Variants in GCC2 observed in about 807,000 individuals in gnomAD.
The protein encoded by GCC2 is GRIP and coiled-coil domain containing 2, also known as GRIP and coiled-coil domain-containing protein 2.
A neutral mutation model predicts 210.6 loss-of-function variants in GCC2; 120 were observed. That is an observed-to-expected ratio of 0.57 (90% CI 0.49 to 0.66). GCC2 has a LOEUF of 0.66. GCC2 is among the 30% of genes least tolerant of loss of function. The probability of loss-of-function intolerance (pLI) is 0.00; values close to 1 mark genes in which losing one functional copy is unlikely to be tolerated. For missense variants in GCC2, 1,868 were observed against 1,871.9 expected, an observed-to-expected ratio of 1.00 and a Z score of 0.04; for synonymous variants, 703 against 652.7, an observed-to-expected ratio of 1.08 and a Z score of -1.17.
In GCC2 at chr2:108,471,545, ATAAT is replaced by A. The variant is rs746975961; in HGVS notation, c.2218_2221del (p.Asn740Ter). On this transcript the variant is annotated frameshift_variant, in exon 6 of 23. Transcript: ENST00000309863. LOFTEE classifies it high-confidence loss of function. ...CTTCAGTTAATGGTTGAAGAGCAAG[ATAAT>A]TTAAATAAACTGCTTGAAAATGAGC... The A allele has an allele frequency of 1.2e-4, 185 of 1,606,876 alleles. No individual in the cohort carries two copies. Among genetic ancestry groups the A allele is most frequent in the Non-Finnish European group, 2.5e-5 (29 of 1,176,792 alleles).
chr2:108,492,029 G>A (rs1385766574), intron 18 of GCC2, among the ~76,000 whole-genome samples: 3 of 151,944 alleles, frequency 2.0e-5, no homozygotes, highest in Non-Finnish European at 4.4e-5. Context: ...TGTGCAGTGA[G>A]ATTTGAAACA....
At chr2:108,472,588 A>G (rs1399532201) in intron 6 of GCC2, among the ~76,000 whole-genome samples, 2 of 151,200 alleles carry the variant, frequency 1.3e-5, no homozygotes, top group Non-Finnish European at 2.9e-5. Context: ...CAGGTTGTTT[A>G]TCTTGGCCTT....
chr2:108,497,337 C>G (rs1301827502), intron 21 of GCC2, among the ~76,000 whole-genome samples: 1 of 152,158 alleles, frequency 6.6e-6, no homozygotes, highest in East Asian at 1.9e-4. Flanking sequence ...AGGATGGTCT[C>G]GATCTCCTGA....
intron 22 of GCC2, among the ~76,000 whole-genome samples, chr2:108,500,408 G>A (rs565988933): frequency 1.3e-5 from 2 of 152,288 alleles, no homozygotes; most frequent in East Asian, 1.9e-4. Flanking sequence ...AGCTACTCAG[G>A]AGATTGAGGC....
At position 108,475,876 on chromosome 2, in the gene GCC2, A is replaced by G. The variant is rs748282834; in HGVS notation, c.3060+26A>G. On this transcript the variant is annotated intron_variant, in intron 9 of 22. Transcript: ENST00000309863. ...GTAAAAAATAGTCATTTTAATAACAAGTTATAAAAGTTGTAATAATAACTT... is the reference window on the plus strand; with the variant it reads ...GTAAAAAATAGTCATTTTAATAACAGGTTATAAAAGTTGTAATAATAACTT... The G allele has an allele frequency of 5.8e-6, 7 of 1,209,732 alleles. No individual in the cohort carries two copies. The Admixed American group carries it at 1.6e-4, about 27-fold the overall frequency. The allele number at this position is 1,209,732 out of a possible 1,614,324, so 74.9% of individuals were successfully genotyped here.
At chr2:108,498,259 A>G (rs1443483941) in intron 21 of GCC2, among the ~76,000 whole-genome samples, 4 of 126,518 alleles carry the variant, frequency 3.2e-5, no homozygotes, top group Admixed American at 2.0e-4. Flanking sequence ...GCAGTGGTGC[A>G]ATCTCAGCTC....
chr2:108,470,748 G>A lies in GCC2; in HGVS notation c.1419G>A (p.Lys473=), dbSNP rs1681157683. ...AGTGTGAAAACCTACAGCAAGAAAA[G>A]CAAGAAGCAATTTTAAATTATGAGA... is the stretch of plus-strand genomic sequence containing the variant. The part of the protein sequence containing the change: ...KEQCENLQQE[K]QEAILNYESL... The change falls in exon 6 of 23, where the codon AAG becomes AAA. Residue 473 remains lysine, a synonymous_variant. Coordinates refer to ENST00000309863, the MANE Select transcript of GCC2 (RefSeq NM_181453.4). 6.2e-7 allele frequency: 1 copy of A among 1,613,174 alleles called. No homozygotes were observed. Among genetic ancestry groups the A allele is most frequent in the East Asian group, 2.2e-5 (1 of 44,860 alleles).
chr2:108,481,935 T>G, intron 10 of GCC2, 119 bp downstream of exon 10: 1 of 674,286 alleles, frequency 1.5e-6, no homozygotes, highest in Non-Finnish European at 2.4e-6. Context: ...CCCCCCACTT[T>G]ACCCTCCTTC....
At chr2:108,495,630 C>G (rs1682615071) in intron 20 of GCC2, 145 bp downstream of exon 20, 1 of 501,710 alleles carries the variant, frequency 2.0e-6, no homozygotes, top group Admixed American at 3.3e-5. Context: ...TTAGGGTTCT[C>G]TAGAGGGACA....
intron 4 of GCC2, among the ~76,000 whole-genome samples, chr2:108,468,486 AT>A (rs60920352): frequency 2.0e-5 from 3 of 151,534 alleles, no homozygotes; most frequent in African/African-American, 4.9e-5. Flanking sequence ...TGGCTTATTG[AT>A]TTTTTTTTCC....
intron 20 of GCC2, chr2:108,496,710 A>G: frequency 3.5e-6 from 2 of 563,542 alleles, no homozygotes; most frequent in Admixed American, 3.4e-5. Flanking sequence ...TATAAACACA[A>G]TTCTGACAAA....
intron 17 of GCC2, among the ~76,000 whole-genome samples, chr2:108,489,572 A>C (rs1682308013): frequency 6.6e-6 from 1 of 152,134 alleles, no homozygotes; most frequent in Non-Finnish European, 1.5e-5. Context: ...CTGTAACATA[A>C]ATAGGCTATT....
In GCC2 at chr2:108,466,504, G is replaced by A. The variant is rs542185878; in HGVS notation, c.217-2476G>A. 3.5e-4 allele frequency among the ~76,000 whole-genome samples: 52 copies of A among 150,320 alleles called. No individual in the cohort carries two copies. The South Asian group carries it at 4.8e-3, about 14-fold the overall frequency. ...TATTTATTTTTTGAGACAGAGTCTC[G>A]CTCTGTCACCCAGGCTGGAGTGCAA... is the stretch of plus-strand genomic sequence containing the variant. On this transcript the variant is annotated intron_variant, in intron 4 of 22. Coordinates refer to ENST00000309863, the MANE Select transcript of GCC2 (RefSeq NM_181453.4).
chr2:108,480,477 A>G (rs959749618), intron 9 of GCC2, among the ~76,000 whole-genome samples: 1 of 152,214 alleles, frequency 6.6e-6, no homozygotes, highest in Admixed American at 6.5e-5. Flanking sequence ...ACTATTCATG[A>G]TAGCAAAGAC....
At chr2:108,503,084 T>A (rs1280863402) in intron 22 of GCC2, among the ~76,000 whole-genome samples, 1 of 151,888 alleles carries the variant, frequency 6.6e-6, no homozygotes, top group African/African-American at 2.4e-5. Context: ...ACAGATAATA[T>A]ATGAAGAGAA....
At chr2:108,495,564 T>C (rs1385717741) in intron 20 of GCC2, 79 bp downstream of exon 20, 12 of 995,086 alleles carry the variant, frequency 1.2e-5, no homozygotes, top group South Asian at 3.2e-5. Context: ...AAGTTACATA[T>C]GCTTTTTTGG....
intron 13 of GCC2, chr2:108,484,801 C>G (rs903088187): frequency 4.7e-5 from 7 of 149,424 alleles, no homozygotes; most frequent in African/African-American, 1.7e-4. Context: ...GGTACCAGTA[C>G]CATGCTGTTT....
intron 19 of GCC2, chr2:108,493,985 C>G (rs1314817582): frequency 2.2e-6 from 2 of 913,294 alleles, no homozygotes; most frequent in African/African-American, 1.8e-5. Flanking sequence ...TGGTTTCTAA[C>G]TCAGTTATGA....
rs1237141922 is a variant in GCC2 at position 108,469,773 on chromosome 2, C to G, written c.444C>G (p.Asp148Glu). The G allele has an allele frequency of 6.2e-7, 1 of 1,613,718 alleles. No homozygotes were observed. Among genetic ancestry groups the G allele is most frequent in the Non-Finnish European group, 8.5e-7 (1 of 1,179,774 alleles). Reference sequence around the variant, plus strand: ...CAGTACGTTCCAAATACAGTGAAGACAAAGCTAACTTACAAAAGCAGCTGG... The same window carrying G: ...CAGTACGTTCCAAATACAGTGAAGAGAAAGCTAACTTACAAAAGCAGCTGG... Reference protein sequence around the residue: ...LMAVRSKYSEDKANLQKQLEE... With the variant: ...LMAVRSKYSEEKANLQKQLEE... The change falls in exon 6 of 23, where the codon GAC becomes GAG. Residue 148 changes from aspartate to glutamate, a missense_variant. Asp to Glu is a conservative substitution (Grantham distance 45). Coordinates refer to ENST00000309863, the MANE Select transcript of GCC2 (RefSeq NM_181453.4).
Sources: gnomAD v4.1 joint callset for allele counts (sites outside exome capture counted in the v4.1 genomes callset) on GRCh38, gnomAD v4.1.1 for gene constraint, MANE v1.5 for transcripts, NCBI Gene and HGNC (gene_info 2026-07-23, HGNC 2026-07-21) for gene names.